The following SH3RF2 variants were observed in gnomAD, a reference collection of about 807,000 sequenced individuals.
SH3RF2 encodes SH3 domain containing ring finger 2, also known as E3 ubiquitin-protein ligase SH3RF2.
SH3RF2 carries 43 observed loss-of-function variants against 59.0 expected under a neutral mutation model. That is an observed-to-expected ratio of 0.73 (90% CI 0.57 to 0.94). The LOEUF (loss-of-function observed/expected upper bound fraction) is 0.94. Among genes scored for constraint, SH3RF2 ranks in the 40% least tolerant of loss-of-function variants. The probability of loss-of-function intolerance (pLI) is 0.00; values close to 1 mark genes in which losing one functional copy is unlikely to be tolerated. For synonymous variants in SH3RF2, 391 were observed against 391.5 expected (o/e 1.00, Z 0.01); for missense variants, 930 against 940.1 (o/e 0.99, Z 0.14).
At chr5:146,067,798 T>A (rs1763140936), downstream of SH3RF2, among the ~76,000 whole-genome samples, 2 of 151,974 alleles carry the variant, frequency 1.3e-5, no homozygotes, top group Non-Finnish European at 2.9e-5. Context: ...CACACCCCGG[T>A]CCTTCCCTCA....
In SH3RF2 at chr5:145,943,692, TTTTTTG is replaced by T. The variant is rs77389676; in HGVS notation, c.378+5415_378+5420del. ...ACAGCCATTCCATTACCTACTTCAG[TTTTTTG>T]TTTTTGTTTTTGTTTTTGTTTTTGT... is the stretch of plus-strand genomic sequence containing the variant. On this transcript the variant is annotated intron_variant, in intron 2 of 9. Transcript: ENST00000359120. Among the ~76,000 whole-genome samples, 989 of 150,834 alleles carry T rather than the reference TTTTTTG, an allele frequency of 6.6e-3. 7 individuals carry two copies. Among genetic ancestry groups the T allele is most frequent in the African/African-American group, 0.022 (889 of 40,944 alleles).
At chr5:145,943,476 C>T (rs1037294357) in intron 2 of SH3RF2, among the ~76,000 whole-genome samples, 2 of 152,104 alleles carry the variant, frequency 1.3e-5, no homozygotes, top group Admixed American at 6.6e-5. Flanking sequence ...TCGATTTTAC[C>T]GTATGACAAT....
Position 145,937,905 on chromosome 5 carries a change from T to TGGG in SH3RF2, c.-23_-21dup, listed in dbSNP as rs59126554. The TGGG allele has an allele frequency of 1.2e-3, 1,927 of 1,595,514 alleles. 20 individuals carry two copies. The African/African-American group carries it at 0.022, about 19-fold the overall frequency. On this transcript the variant is annotated 5_prime_UTR_variant, in exon 2 of 10. Coordinates refer to ENST00000359120, the MANE Select transcript of SH3RF2 (RefSeq NM_152550.4). ...ACCATGTGGACGCTGCTCCTCCAGG[T>TGGG]GGGAACTGGAGTTTTGAAATAAAAT...
In SH3RF2 at chr5:146,005,433, G is replaced by A. The variant is rs530815643; in HGVS notation, c.744+1280G>A. Among the ~76,000 whole-genome samples, 22 of 152,334 alleles carry A rather than the reference G, an allele frequency of 1.4e-4. 3 individuals are homozygous for A. Among genetic ancestry groups the A allele is most frequent in the African/African-American group, 5.0e-4 (21 of 41,590 alleles). ...AGGGTTTGAAACAGAACAGACCACA[G>A]TTGAGGAGAAGCAACCAATTCTTCT... On this transcript the variant is annotated intron_variant, in intron 4 of 9. Coordinates refer to ENST00000359120, the MANE Select transcript of SH3RF2 (RefSeq NM_152550.4).
chr5:145,937,755 A>C (rs1757649527), intron 1 of SH3RF2, 68 bp from the exon 2 acceptor site: 1 of 712,328 alleles, frequency 1.4e-6, no homozygotes. Context: ...ACACTGCCTC[A>C]ATGTAGGTGG....
chr5:145,991,277 C>T (rs1759922767), intron 2 of SH3RF2, among the ~76,000 whole-genome samples: 1 of 152,174 alleles, frequency 6.6e-6, no homozygotes, highest in Non-Finnish European at 1.5e-5. Context: ...TCTGTTTCCT[C>T]ATCATAAAAT....
chr5:145,946,360 C>G (rs969076402), intron 2 of SH3RF2, among the ~76,000 whole-genome samples: 1 of 152,168 alleles, frequency 6.6e-6, no homozygotes, highest in African/African-American at 2.4e-5. Context: ...GAGCACCCAG[C>G]CCACAGCTTG....
intron 8 of SH3RF2, 32 bp downstream of exon 8, chr5:146,056,245 G>A: frequency 6.2e-7 from 1 of 1,613,712 alleles, no homozygotes; most frequent in Non-Finnish European, 8.5e-7. Flanking sequence ...CGTGCCTAGA[G>A]CTAAGTGATG....
At chr5:145,977,110 C>T (rs919831443) in intron 2 of SH3RF2, among the ~76,000 whole-genome samples, 3 of 152,236 alleles carry the variant, frequency 2.0e-5, no homozygotes, top group Admixed American at 6.5e-5. Context: ...AAGGTTGCCT[C>T]GGCAGAGGCC....
chr5:145,955,502 C>A (rs1758361232), intron 2 of SH3RF2, among the ~76,000 whole-genome samples: 1 of 152,146 alleles, frequency 6.6e-6, no homozygotes, highest in South Asian at 2.1e-4. Context: ...TAAACCTCAG[C>A]ATCCCACAAT....
intron 5 of SH3RF2, among the ~76,000 whole-genome samples, chr5:146,015,564 A>G (rs1345258728): frequency 6.6e-6 from 1 of 152,224 alleles, no homozygotes; most frequent in East Asian, 1.9e-4. Context: ...TCATAGATAT[A>G]TAAAGTGCAG....
At chr5:145,997,757 A>G in intron 2 of SH3RF2, 2 of 1,576,950 alleles carry the variant, frequency 1.3e-6, no homozygotes, top group Non-Finnish European at 1.7e-6. Context: ...TGTGGACAAA[A>G]AGCAGCAAAA....
chr5:146,061,818 G>A (rs1422967923), intron 9 of SH3RF2, among the ~76,000 whole-genome samples: 1 of 152,036 alleles, frequency 6.6e-6, no homozygotes, highest in East Asian at 1.9e-4. Context: ...GTGCGTCAGA[G>A]CTTTGATTTT....
intron 2 of SH3RF2, among the ~76,000 whole-genome samples, chr5:145,968,777 T>G (rs1561715473): frequency 6.6e-6 from 1 of 152,200 alleles, no homozygotes; most frequent in East Asian, 1.9e-4. Context: ...CTAGTCACAT[T>G]TTAAATGCTC....
At chr5:146,063,342 C>T (rs1238001768), downstream of SH3RF2, 1 of 152,232 alleles carries the variant, frequency 6.6e-6, no homozygotes, top group Non-Finnish European at 1.5e-5. Context: ...CACTGAGTAC[C>T]AAATATCAAA....
intron 9 of SH3RF2, among the ~76,000 whole-genome samples, chr5:146,075,778 TAAAAAAAAAAAAA>T (rs56300547): frequency 5.2e-5 from 4 of 76,976 alleles, no homozygotes; most frequent in African/African-American, 1.4e-4. Context: ...AAATTCCATG[TAAAAAAAAAAAAA>T]AAAAAAAAAA....
chr5:145,958,018 C>G (rs1404028414), intron 2 of SH3RF2, among the ~76,000 whole-genome samples: 4 of 151,888 alleles, frequency 2.6e-5, no homozygotes, highest in Admixed American at 2.0e-4. Context: ...GAGGCTGAGG[C>G]AGGAGAATCA....
intron 2 of SH3RF2, among the ~76,000 whole-genome samples, chr5:145,985,604 C>T (rs1485778087): frequency 2.6e-5 from 4 of 152,264 alleles, no homozygotes; most frequent in South Asian, 4.1e-4. Context: ...TGCCTTCTAC[C>T]CATGACTAAA....
chr5:146,072,392 GC>G (rs1407019805), intron 9 of SH3RF2, among the ~76,000 whole-genome samples: 2 of 152,202 alleles, frequency 1.3e-5, no homozygotes, highest in Admixed American at 1.3e-4. Flanking sequence ...AGAATCTCAG[GC>G]TGGGCATGGT....
Sources: allele counts gnomAD v4.1 joint callset (sites outside exome capture counted in the v4.1 genomes callset), GRCh38; gene constraint gnomAD v4.1.1; transcripts MANE v1.5; gene names NCBI Gene and HGNC (gene_info 2026-07-23, HGNC 2026-07-21).